The following CDHR5 variants were observed in gnomAD, a reference collection of about 807,000 sequenced individuals.
The protein encoded by CDHR5 is cadherin related family member 5.
In CDHR5, 82 loss-of-function variants were observed where a neutral mutation model predicts 69.5. The ratio of observed to expected loss-of-function variants is 1.18; its 90% confidence interval spans 0.99 to 1.42. CDHR5 has a LOEUF of 1.42. Among genes scored for constraint, CDHR5 ranks in the 40% most tolerant of loss-of-function variants. The pLI is 0.00. For missense variants in CDHR5, 1,293 were observed against 1,168.9 expected (o/e 1.11, Z -1.55); for synonymous variants, 601 against 510.2 (o/e 1.18, Z -2.40).
chr11:618,835 T>C lies in CDHR5; in HGVS notation c.1724A>G (p.Glu575Gly), dbSNP rs1857162332. 1.9e-6 allele frequency: 3 copies of C among 1,609,694 alleles called. No homozygotes were observed. The South Asian group carries it at 3.3e-5, about 18-fold the overall frequency. ...GGGCATCGGCTGAGAGGTTCCTGGCTCTGGGGTCTGTGCTGTGCCCCCACT... is the reference window on the plus strand; with the variant it reads ...GGGCATCGGCTGAGAGGTTCCTGGCCCTGGGGTCTGTGCTGTGCCCCCACT... ...TPSGGTAQTP[E>G]PGTSQPMPPS... The change falls in exon 13 of 15, where the codon GAG becomes GGG. Residue 575 changes from glutamate to glycine, a missense_variant. By Grantham distance (98) the Glu-to-Gly change is moderately conservative (BLOSUM62 -2). Coordinates refer to ENST00000397542, the MANE Select transcript of CDHR5 (RefSeq NM_021924.5).
chr11:624,770 C>A lies in CDHR5; in HGVS notation c.86-38G>T, dbSNP rs748831487. On this transcript the variant is annotated intron_variant, in intron 1 of 14. Coordinates refer to ENST00000397542, the MANE Select transcript of CDHR5 (RefSeq NM_021924.5). This position sits in a 1 kb window ranked among gnomAD's most constrained non-coding sequence, Gnocchi z 5.3. ...AGAGGAGGGATCAGTGCCTCCCAGC[C>A]CCTGGCTCCCCGCCGCCCGTGCCCC... is the stretch of plus-strand genomic sequence containing the variant. The A allele has an allele frequency of 2.5e-6, 4 of 1,603,986 alleles. No homozygotes were observed. The East Asian group carries it at 8.9e-5, about 36-fold the overall frequency.
Position 621,467 on chromosome 11 carries a change from C to G in CDHR5, c.508-12G>C, listed in dbSNP as rs751774656. ...TAGTCACTGGCACCCTGGGGAGGGT[C>G]AGGGAGGACAGAGCCTAAGAGCCTT... On this transcript the variant is annotated splice_polypyrimidine_tract_variant and intron_variant, in intron 5 of 14. Transcript: ENST00000397542. The surrounding 1 kb of genome is among the most constrained non-coding windows in gnomAD (Gnocchi z 4.4). 8.1e-6 allele frequency: 13 copies of G among 1,608,314 alleles called. No individual in the cohort carries two copies. Among genetic ancestry groups the G allele is most frequent in the Non-Finnish European group, 1.0e-5 (12 of 1,175,586 alleles).
chr11:623,353 C>T (rs961342071), intron 3 of CDHR5, among the ~76,000 whole-genome samples: 8 of 152,104 alleles, frequency 5.3e-5, no homozygotes, highest in South Asian at 2.1e-4. Flanking sequence ...AAGATATGTG[C>T]AGGTGACGTG....
Position 621,464 on chromosome 11 carries a change from G to T in CDHR5, c.508-9C>A. ...AAGTAGTCACTGGCACCCTGGGGAG[G>T]GTCAGGGAGGACAGAGCCTAAGAGC... On this transcript the variant is annotated splice_polypyrimidine_tract_variant and intron_variant, in intron 5 of 14. Coordinates refer to ENST00000397542, the MANE Select transcript of CDHR5 (RefSeq NM_021924.5). This position sits in a 1 kb window ranked among gnomAD's most constrained non-coding sequence, Gnocchi z 4.4. 6.2e-7 allele frequency: 1 copy of T among 1,608,864 alleles called. No individual in the cohort carries two copies. Among genetic ancestry groups the T allele is most frequent in the African/African-American group, 1.3e-5 (1 of 74,912 alleles).
Position 624,208 on chromosome 11 carries a change from C to A in CDHR5, c.312+5G>T. ...TGGGGCGGGGAGAGCGGGGCGGGGA[C>A]TCACCAATGTGCCTCCGCTCTGACA... On this transcript the variant is annotated splice_donor_5th_base_variant and intron_variant, in intron 3 of 14. Transcript: ENST00000397542. This position sits in a 1 kb window ranked among gnomAD's most constrained non-coding sequence, Gnocchi z 5.3. The A allele has an allele frequency of 2.6e-6, 2 of 759,870 alleles. No individual in the cohort carries two copies. The highest frequency in any genetic ancestry group is 1.4e-5 in the South Asian group (1 of 71,812). The allele number at this position is 759,870 out of a possible 1,614,324, so 47.1% of individuals were successfully genotyped here. A position where few individuals can be genotyped will look rare whatever the true frequency, so the allele number is the denominator to read the frequency against.
At position 619,311 on chromosome 11, in the gene CDHR5, G is replaced by A; in HGVS notation, c.1373C>T (p.Ser458Phe). The A allele has an allele frequency of 1.2e-6, 2 of 1,609,378 alleles. No individual in the cohort carries two copies. Among genetic ancestry groups the A allele is most frequent in the Non-Finnish European group, 1.7e-6 (2 of 1,176,574 alleles). Residue 458 changes from serine to phenylalanine, a missense_variant, in exon 12 of 15, where the codon TCC becomes TTC. Transcript: ENST00000397542. ...ACCTGTGGAGGGGGGCTTACCTGTG[G>A]AGGGGGGCTCCTGTTCGGAAACTTG... ...EIQVSEQEPP[S>F]TDVPPSPEAG...
rs1228568349 is a variant in CDHR5 at position 624,052 on chromosome 11, A to G, written c.312+161T>C. 6.6e-6 allele frequency among the ~76,000 whole-genome samples: 1 copy of G among 152,034 alleles called. No homozygotes were observed. Among genetic ancestry groups the G allele is most frequent in the Non-Finnish European group, 1.5e-5 (1 of 67,978 alleles). ...GTCAGTGACGGGGACTCCACAGCTC[A>G]GGGCAGAGTCTGGACTGGAGGAAAT... On this transcript the variant is annotated intron_variant, in intron 3 of 14. Transcript: ENST00000397542. The surrounding 1 kb of genome is among the most constrained non-coding windows in gnomAD (Gnocchi z 5.3).
intron 3 of CDHR5, among the ~76,000 whole-genome samples, chr11:622,366 T>C (rs1351802517): frequency 6.6e-6 from 1 of 150,764 alleles, no homozygotes; most frequent in Admixed American, 6.6e-5. Context: ...TGCAGGTACT[T>C]GGGGATGCAG....
At position 621,322 on chromosome 11, in the gene CDHR5, C is replaced by A. The variant is rs189241231; in HGVS notation, c.618+23G>T. On this transcript the variant is annotated intron_variant, in intron 6 of 14. Coordinates refer to ENST00000397542, the MANE Select transcript of CDHR5 (RefSeq NM_021924.5). This position sits in a 1 kb window ranked among gnomAD's most constrained non-coding sequence, Gnocchi z 4.4. Reference sequence around the variant, plus strand: ...CGGGGGGCCTCAAGTGTGTGGGACTCGGGGCTGGGGTGACCTGCTCACCCG... The same window carrying A: ...CGGGGGGCCTCAAGTGTGTGGGACTAGGGGCTGGGGTGACCTGCTCACCCG... The A allele has an allele frequency of 2.5e-6, 4 of 1,611,876 alleles. No homozygotes were observed. The African/African-American group carries it at 5.3e-5, about 22-fold the overall frequency.
In CDHR5 at chr11:621,128, GACGT is replaced by G; in HGVS notation, c.737_740del (p.Tyr246SerfsTer50). On this transcript the variant is annotated frameshift_variant, in exon 7 of 15. Coordinates refer to ENST00000397542, the MANE Select transcript of CDHR5 (RefSeq NM_021924.5). LOFTEE classifies it high-confidence loss of function. The surrounding 1 kb of genome is among the most constrained non-coding windows in gnomAD (Gnocchi z 4.4). Reference sequence around the variant, plus strand: ...CCCCGTGGTACTGAGCTTGAATGCAGACGTAGCCATCTGAGAAGGTGCAGGGCAG... The same window carrying G: ...CCCCGTGGTACTGAGCTTGAATGCAGAGCCATCTGAGAAGGTGCAGGGCAG... The G allele has an allele frequency of 6.3e-7, 1 of 1,588,904 alleles. No individual in the cohort carries two copies. The highest frequency in any genetic ancestry group is 1.1e-5 in the South Asian group (1 of 87,252).
rs141531457 is a variant in CDHR5 at position 617,444 on chromosome 11, G to A, written c.2445C>T (p.Gly815=). ...CATCGCCGCTGCCGGAGTCACTGGC[G>A]CCATCCACGTCCAGGGTGGGCGCGT... ...VLNAPTLDVD[G]ASDSGSGDEG... is the part of the protein sequence containing the mutation. The change falls in exon 15 of 15, where the codon GGC becomes GGT. Residue 815 remains glycine (G), a synonymous_variant. Transcript: ENST00000397542. 273 of 1,612,360 alleles carry A rather than the reference G, an allele frequency of 1.7e-4. No individual in the cohort carries two copies. Among genetic ancestry groups the A allele is most frequent in the Non-Finnish European group, 2.1e-4 (253 of 1,179,622 alleles).
At chr11:620,206 C>T in intron 8 of CDHR5, 42 bp from the exon 9 acceptor site, 1 of 1,590,464 alleles carries the variant, frequency 6.3e-7, no homozygotes, top group Non-Finnish European at 8.6e-7. Context: ...CCCCCTGAGG[C>T]CCAGGGACCC....
At position 619,345 on chromosome 11, in the gene CDHR5, T is replaced by C. The variant is rs897106335; in HGVS notation, c.1339A>G (p.Ile447Val). ...TVTSGTATTV[I>V]EIQVSEQEPP... ...TCCTGTTCGGAAACTTGTATCTCAA[T>C]GACTGTGGTTGCGGTGCCAGAGGTC... The change falls in exon 12 of 15, where the codon ATT becomes GTT. Residue 447 changes from isoleucine to valine, a missense_variant. Physicochemically the swap from Ile to Val is conservative, Grantham distance 29. Transcript: ENST00000397542. 6.8e-6 allele frequency: 11 copies of C among 1,613,600 alleles called. No individual in the cohort carries two copies. Among genetic ancestry groups the C allele is most frequent in the Non-Finnish European group, 9.3e-6 (11 of 1,179,798 alleles).
chr11:622,758 G>T (rs1432846496), intron 3 of CDHR5, among the ~76,000 whole-genome samples: 2 of 152,100 alleles, frequency 1.3e-5, no homozygotes, highest in Admixed American at 6.6e-5. Context: ...TTCCAGGTGT[G>T]AGCCACGGCG....
chr11:617,388 G>C lies in CDHR5; in HGVS notation c.2501C>G (p.Pro834Arg). The C allele has an allele frequency of 6.2e-7, 1 of 1,610,336 alleles. No homozygotes were observed. The highest frequency in any genetic ancestry group is 1.1e-5 in the South Asian group (1 of 90,928). The change falls in exon 15 of 15, where the codon CCC (proline) becomes CGC (arginine). Residue 834 changes from proline (P) to arginine (R), a missense_variant. Transcript: ENST00000397542. The part of the protein sequence containing the change: ...EGEGAGRGGG[P>R]YDAPGGDDSY... ...GTCATCACCACCGGGCGCATCGTAGGGACCCCCACCCCTCCCCGCGCCCTC... is the reference window on the plus strand; with the variant it reads ...GTCATCACCACCGGGCGCATCGTAGCGACCCCCACCCCTCCCCGCGCCCTC...
intron 3 of CDHR5, among the ~76,000 whole-genome samples, chr11:622,199 G>A (rs1467593431): frequency 7.2e-5 from 11 of 152,330 alleles, no homozygotes; most frequent in Non-Finnish European, 1.3e-4. Context: ...TTCAGTTGTT[G>A]GGGGGCTACA....
Position 621,672 on chromosome 11 carries a change from G to A in CDHR5, c.406-9C>T. 1 of 1,605,276 alleles carries A rather than the reference G, an allele frequency of 6.2e-7. No individual in the cohort carries two copies. Among genetic ancestry groups the A allele is most frequent in the East Asian group, 2.2e-5 (1 of 44,826 alleles). On this transcript the variant is annotated splice_polypyrimidine_tract_variant and intron_variant, in intron 4 of 14. Transcript: ENST00000397542. This position sits in a 1 kb window ranked among gnomAD's most constrained non-coding sequence, Gnocchi z 4.4. ...GAGTTCACTTTCGTGTCCTGGGGAG[G>A]GAGAGGGGCTTGGTCCGGCCACACT...
chr11:623,165 C>T (rs1429257841), intron 3 of CDHR5, among the ~76,000 whole-genome samples: 1 of 152,024 alleles, frequency 6.6e-6, no homozygotes, highest in Non-Finnish European at 1.5e-5. Flanking sequence ...AAAAATTAGC[C>T]GGCCGTGGTG....
intron 14 of CDHR5, 90 bp from the exon 15 acceptor site, chr11:617,860 G>A (rs1433640739): frequency 2.5e-5 from 38 of 1,500,878 alleles, no homozygotes; most frequent in Non-Finnish European, 3.1e-5. Context: ...ACACCCCTCC[G>A]TCTCCACATC....
Sources: allele counts gnomAD v4.1 joint callset (sites outside exome capture counted in the v4.1 genomes callset), GRCh38; gene constraint gnomAD v4.1.1; non-coding constraint Gnocchi (gnomAD v3.1); transcripts MANE v1.5; gene names NCBI Gene and HGNC (gene_info 2026-07-23, HGNC 2026-07-21).